Variants in TAOK3 observed in about 807,000 individuals in gnomAD.
TAOK3 encodes TAO kinase 3, also known as serine/threonine-protein kinase TAO3.
Under a neutral mutation model 120.4 loss-of-function variants are expected in TAOK3, and 40 were observed. That is an observed-to-expected ratio of 0.33 (90% CI 0.26 to 0.43). The LOEUF is 0.43. Ranked by LOEUF, TAOK3 falls within the 20% of genes least tolerant of loss-of-function variation. The probability of loss-of-function intolerance (pLI) is 1.00; values close to 1 mark genes in which losing one functional copy is unlikely to be tolerated. For missense variants in TAOK3, 821 were observed against 1,112.1 expected, an observed-to-expected ratio of 0.74 and a Z score of 3.72; for synonymous variants, 355 against 387.5, an observed-to-expected ratio of 0.92 and a Z score of 0.99.
At chr12:118,343,440 A>AAG (rs1167382656) in intron 1 of TAOK3, among the ~76,000 whole-genome samples, 1 of 151,738 alleles carries the variant, frequency 6.6e-6, no homozygotes, top group Non-Finnish European at 1.5e-5. Flanking sequence ...AAAAAAAAAA[A>AAG]AAAAGAAATT....
In TAOK3 at chr12:118,310,827, C is replaced by A. The variant is rs73205546; in HGVS notation, c.-193-44068G>T. On this transcript the variant is annotated intron_variant, in intron 1 of 20. Coordinates refer to ENST00000392533, the MANE Select transcript of TAOK3 (RefSeq NM_016281.4). ...TCAAATGGAGTCAAGAATGTGTAAA[C>A]CGTGTAGTGTAGATAGCCTTAATAT... Among the ~76,000 whole-genome samples, 1,376 of 152,174 alleles carry A rather than the reference C, an allele frequency of 9.0e-3. 10 individuals carry two copies. Among genetic ancestry groups the A allele is most frequent in the Non-Finnish European group, 0.013 (884 of 68,010 alleles).
At chr12:118,353,521 T>G (rs1201388541) in intron 1 of TAOK3, among the ~76,000 whole-genome samples, 1 of 151,796 alleles carries the variant, frequency 6.6e-6, no homozygotes, top group East Asian at 1.9e-4. Context: ...TTTAACATAG[T>G]GGAAAACAGG....
chr12:118,261,054 G>T (rs1288375150), intron 2 of TAOK3, among the ~76,000 whole-genome samples: 2 of 152,182 alleles, frequency 1.3e-5, no homozygotes, highest in African/African-American at 4.8e-5. Flanking sequence ...TTGCATAGCA[G>T]AGGAGACTTT....
chr12:118,295,994 A>G (rs2042666318), intron 1 of TAOK3, among the ~76,000 whole-genome samples: 1 of 152,206 alleles, frequency 6.6e-6, no homozygotes, highest in Non-Finnish European at 1.5e-5. Flanking sequence ...AATCCCCTAG[A>G]AAGTCCTAGG....
Position 118,243,353 on chromosome 12 carries a change from T to C in TAOK3, c.294+62A>G, listed in dbSNP as rs708862. 3.5e-5 allele frequency: 30 copies of C among 859,046 alleles called. No homozygotes were observed. In the South Asian group the frequency reaches 4.6e-4, roughly 13 times the overall value. The allele number at this position is 859,046 out of a possible 1,614,324, so 53.2% of individuals were successfully genotyped here. A position where few individuals can be genotyped will look rare whatever the true frequency, so the allele number is the denominator to read the frequency against. ...GTAATTTTACAGATCAAATAGATAA[T>C]AGAAAAAAAAGAAAAAGAAAAAAAT... On this transcript the variant is annotated intron_variant, in intron 5 of 20. Transcript: ENST00000392533.
intron 1 of TAOK3, among the ~76,000 whole-genome samples, chr12:118,363,712 C>A (rs1193557928): frequency 6.6e-6 from 1 of 151,142 alleles, no homozygotes; most frequent in African/African-American, 2.4e-5. Flanking sequence ...TTAAGAAGAC[C>A]AGTCTGGTCA....
At chr12:118,180,247 C>A (rs2036626092) in intron 15 of TAOK3, among the ~76,000 whole-genome samples, 1 of 137,348 alleles carries the variant, frequency 7.3e-6, no homozygotes, top group South Asian at 2.3e-4. Flanking sequence ...TGTGCCTGGC[C>A]TTTTTTTTTT....
chr12:118,301,655 CCAA>C (rs2042884246), intron 1 of TAOK3, among the ~76,000 whole-genome samples: 1 of 151,914 alleles, frequency 6.6e-6, no homozygotes, highest in Admixed American at 6.6e-5. Flanking sequence ...ATCAGCCTGA[CCAA>C]CATGGAGAAA....
chr12:118,323,699 G>A (rs1159421348), intron 1 of TAOK3, among the ~76,000 whole-genome samples: 1 of 152,126 alleles, frequency 6.6e-6, no homozygotes, highest in Non-Finnish European at 1.5e-5. Context: ...GAAAAAGCAT[G>A]TTGCAGAACA....
At chr12:118,214,149 G>T (rs1205202877) in intron 9 of TAOK3, 39 bp from the exon 10 acceptor site, 4 of 1,508,252 alleles carry the variant, frequency 2.7e-6, no homozygotes, top group Non-Finnish European at 3.6e-6. Context: ...AGTTCTTGAA[G>T]GAAACCAGGC....
chr12:118,243,933 C>T lies in TAOK3; in HGVS notation c.193-417G>A, dbSNP rs139379008. Among the ~76,000 whole-genome samples the T allele has an allele frequency of 5.9e-5, 9 of 152,324 alleles. No individual in the cohort carries two copies. In the East Asian group the frequency reaches 1.7e-3, roughly 29 times the overall value. On this transcript the variant is annotated intron_variant, in intron 4 of 20. Coordinates refer to ENST00000392533, the MANE Select transcript of TAOK3 (RefSeq NM_016281.4). Reference sequence around the variant, plus strand: ...ACCTCAGGTGATCCGCCCACCTTGGCCTCCCAAAGTGCTGGGATCACAGGC... The same window carrying T: ...ACCTCAGGTGATCCGCCCACCTTGGTCTCCCAAAGTGCTGGGATCACAGGC...
chr12:118,206,624 G>A (rs1016844667), intron 11 of TAOK3, among the ~76,000 whole-genome samples: 1 of 151,732 alleles, frequency 6.6e-6, no homozygotes, highest in African/African-American at 2.4e-5. Flanking sequence ...TTGGGACAGA[G>A]TCTTGCTGTG....
At chr12:118,311,717 C>T (rs1467201782) in intron 1 of TAOK3, among the ~76,000 whole-genome samples, 1 of 152,038 alleles carries the variant, frequency 6.6e-6, no homozygotes, top group Non-Finnish European at 1.5e-5. Context: ...AGGTGAAGAA[C>T]TCTTTTCAGA....
chr12:118,368,384 G>A (rs527285688), intron 1 of TAOK3, among the ~76,000 whole-genome samples: 1 of 152,010 alleles, frequency 6.6e-6, no homozygotes, highest in African/African-American at 2.4e-5. Context: ...TTTTAGTAGA[G>A]ACGGGTTTTC....
intron 1 of TAOK3, among the ~76,000 whole-genome samples, chr12:118,364,352 C>T (rs1298085192): frequency 6.6e-6 from 1 of 151,914 alleles, no homozygotes; most frequent in African/African-American, 2.4e-5. Context: ...CTTATTAAGG[C>T]CCTCGTAAGA....
chr12:118,166,690 G>A (rs939147908), intron 17 of TAOK3, among the ~76,000 whole-genome samples: 2 of 151,914 alleles, frequency 1.3e-5, no homozygotes, highest in Admixed American at 1.3e-4. Context: ...ACACACTAGA[G>A]CCACATCATG....
intron 1 of TAOK3, among the ~76,000 whole-genome samples, chr12:118,306,549 G>T (rs1237217277): frequency 6.6e-6 from 1 of 151,894 alleles, no homozygotes; most frequent in African/African-American, 2.4e-5. Flanking sequence ...ATTGTAAATG[G>T]ATGTGAAACG....
In TAOK3 at chr12:118,372,150, C is replaced by G. The variant is rs1359757106; in HGVS notation, c.-194+498G>C. ...GTCCTGGATTCTCTCTGGGTCCCCT[C>G]CCCTCACCTCGGGGTCTCCTCTCCC... On this transcript the variant is annotated intron_variant, in intron 1 of 20. Transcript: ENST00000392533. This position sits in a 1 kb window ranked among gnomAD's most constrained non-coding sequence, Gnocchi z 4.6. 6.6e-6 allele frequency among the ~76,000 whole-genome samples: 1 copy of G among 151,418 alleles called. No homozygotes were observed. Among genetic ancestry groups the G allele is most frequent in the African/African-American group, 2.4e-5 (1 of 41,160 alleles).
rs931240754 is a variant in TAOK3 at position 118,181,564 on chromosome 12, C to T, written c.1373G>A (p.Arg458Gln). 1.2e-6 allele frequency: 2 copies of T among 1,614,058 alleles called. No homozygotes were observed. The highest frequency in any genetic ancestry group is 2.2e-5 in the East Asian group (1 of 44,890). Residue 458 changes from arginine (R) to glutamine (Q), a missense_variant, in exon 15 of 21, where the codon CGG (arginine) becomes CAG (glutamine). This residue lies in a region of TAOK3 where 354 missense variants were observed against 572.1 expected (regional missense o/e 0.62). Coordinates refer to ENST00000392533, the MANE Select transcript of TAOK3 (RefSeq NM_016281.4). ...IHEHEQENEL[R>Q]EQMSGYKRMR... ...CCGCTTATAACCTGACATCTGTTCCCGCAACTCGTTCTCCTGCTCATGCTC... is the reference window on the plus strand; with the variant it reads ...CCGCTTATAACCTGACATCTGTTCCTGCAACTCGTTCTCCTGCTCATGCTC...
Sources: gnomAD v4.1 joint callset for allele counts (sites outside exome capture counted in the v4.1 genomes callset) on GRCh38, gnomAD v4.1.1 for gene constraint, gnomAD v4.1.1 regional missense constraint, Gnocchi (gnomAD v3.1) non-coding constraint, MANE v1.5 for transcripts, NCBI Gene and HGNC (gene_info 2026-07-23, HGNC 2026-07-21) for gene names.